SCAI: variants seen among roughly 807,000 people sequenced by gnomAD.
SCAI encodes protein SCAI.
In SCAI, 24 loss-of-function variants were observed where a neutral mutation model predicts 92.2. The observed-to-expected ratio is 0.26, with a 90% CI of 0.19 to 0.37. The LOEUF is 0.37. Ranked by LOEUF, SCAI falls within the 10% of genes least tolerant of loss-of-function variation. The probability of loss-of-function intolerance (pLI) is 1.00; values close to 1 mark genes in which losing one functional copy is unlikely to be tolerated. For missense variants in SCAI, 450 were observed against 736.2 expected, an observed-to-expected ratio of 0.61 and a Z score of 4.50; for synonymous variants, 261 against 258.6, an observed-to-expected ratio of 1.01 and a Z score of -0.09.
At chr9:125,090,549 G>A (rs1834410975) in intron 2 of SCAI, among the ~76,000 whole-genome samples, 1 of 152,066 alleles carries the variant, frequency 6.6e-6, no homozygotes, top group African/African-American at 2.4e-5. Flanking sequence ...CAGCCTAATG[G>A]GCTAGTTCAT....
At chr9:124,967,389 G>A (rs1156404318) in intron 17 of SCAI, among the ~76,000 whole-genome samples, 1 of 152,170 alleles carries the variant, frequency 6.6e-6, no homozygotes, top group Non-Finnish European at 1.5e-5. Flanking sequence ...GGCTCAGGGA[G>A]TTTGGGAAAC....
intron 3 of SCAI, among the ~76,000 whole-genome samples, chr9:125,032,739 A>T (rs1833105257): frequency 6.6e-6 from 1 of 151,048 alleles, no homozygotes; most frequent in East Asian, 2.0e-4. Flanking sequence ...TCAGCCTCCA[A>T]AGTAGCTGGG....
At position 124,943,344 on chromosome 9, in the gene SCAI, ACT is replaced by A. The variant is rs1477792489; in HGVS notation, c.*9461_*9462del. 1.3e-5 allele frequency: 2 copies of A among 152,226 alleles called. No individual in the cohort carries two copies. Among genetic ancestry groups the A allele is most frequent in the Non-Finnish European group, 2.9e-5 (2 of 68,028 alleles). The allele number at this position is 152,226 out of a possible 1,614,324, so 9.4% of individuals were successfully genotyped here. ...TGATGGATTTTTTTCTAAAGTATTA[ACT>A]CACAATATCCAAATATTAATACAAA... On this transcript the variant is annotated 3_prime_UTR_variant, in exon 18 of 18. Transcript: ENST00000336505.
intron 17 of SCAI, 113 bp from the exon 18 acceptor site, chr9:124,953,066 T>C (rs1347859906): frequency 7.2e-6 from 6 of 828,850 alleles, no homozygotes; most frequent in African/African-American, 5.3e-5. Context: ...ACTGGAATGA[T>C]TCTTATTAAT....
chr9:124,959,483 TAC>T (rs57538134), intron 17 of SCAI, among the ~76,000 whole-genome samples: 73,791 of 141,418 alleles, frequency 0.52, 19,264 homozygotes, highest in African/African-American at 0.56. Flanking sequence ...TATATATATA[TAC>T]ACACACACAT....
At chr9:125,126,758 A>G (rs1164884720) in intron 2 of SCAI, among the ~76,000 whole-genome samples, 2 of 152,220 alleles carry the variant, frequency 1.3e-5, no homozygotes, top group African/African-American at 2.4e-5. Flanking sequence ...TAAAGAAGGG[A>G]AAATCAAATC....
intron 6 of SCAI, among the ~76,000 whole-genome samples, chr9:125,020,987 T>G (rs552296250): frequency 6.6e-6 from 1 of 152,186 alleles, no homozygotes; most frequent in African/African-American, 2.4e-5. Flanking sequence ...ATTGAGAACT[T>G]AGATGCATCA....
chr9:125,132,242 T>C (rs1463048216), intron 2 of SCAI, among the ~76,000 whole-genome samples: 1 of 151,796 alleles, frequency 6.6e-6, no homozygotes. Context: ...GCCTCCTGAG[T>C]AGCTGGGATT....
intron 11 of SCAI, among the ~76,000 whole-genome samples, chr9:125,002,388 A>C (rs1832378459): frequency 1.3e-5 from 2 of 151,938 alleles, no homozygotes; most frequent in African/African-American, 4.8e-5. Flanking sequence ...TTTGGGAAGA[A>C]TTCTCCTATT....
chr9:125,090,421 A>T, intron 2 of SCAI, among the ~76,000 whole-genome samples: 1 of 151,848 alleles, frequency 6.6e-6, no homozygotes, highest in East Asian at 1.9e-4. Context: ...AGGAAGGAGG[A>T]GGAAGAAAGA....
chr9:125,028,154 T>A (rs995383384), intron 5 of SCAI, among the ~76,000 whole-genome samples: 2 of 152,206 alleles, frequency 1.3e-5, no homozygotes, highest in Non-Finnish European at 2.9e-5. Context: ...AATTTTTAAG[T>A]TATAAATGAG....
At chr9:125,034,425 A>G (rs977500402) in intron 3 of SCAI, among the ~76,000 whole-genome samples, 4 of 152,134 alleles carry the variant, frequency 2.6e-5, no homozygotes, top group African/African-American at 9.7e-5. Context: ...GAAAGGACTC[A>G]ACCCAGAGAG....
intron 2 of SCAI, among the ~76,000 whole-genome samples, chr9:125,104,957 C>CT: frequency 1.0e-5 from 1 of 95,848 alleles, no homozygotes; most frequent in Admixed American, 1.1e-4. Context: ...GACCCTGTCT[C>CT]AAAAAAAAAA....
intron 9 of SCAI, among the ~76,000 whole-genome samples, chr9:125,016,463 G>A (rs1356370043): frequency 6.6e-6 from 1 of 151,270 alleles, no homozygotes; most frequent in Non-Finnish European, 1.5e-5. Context: ...AAAATAGGAA[G>A]AAGGAAATAA....
At chr9:125,052,001 C>G (rs1343117479) in intron 3 of SCAI, among the ~76,000 whole-genome samples, 4 of 152,118 alleles carry the variant, frequency 2.6e-5, no homozygotes, top group African/African-American at 9.7e-5. Context: ...GAGCCGAGAT[C>G]ATGCCACTGC....
chr9:125,124,866 C>G (rs1408306524), intron 2 of SCAI, among the ~76,000 whole-genome samples: 1 of 152,184 alleles, frequency 6.6e-6, no homozygotes, highest in African/African-American at 2.4e-5. Flanking sequence ...CAGAAGAAAA[C>G]TGACTCTTCA....
intron 2 of SCAI, among the ~76,000 whole-genome samples, chr9:125,123,678 G>C (rs1835205811): frequency 6.6e-6 from 1 of 152,216 alleles, no homozygotes. Flanking sequence ...GGGAGGCTGA[G>C]GCAGGAGAAT....
intron 3 of SCAI, among the ~76,000 whole-genome samples, chr9:125,050,661 C>G (rs571120249): frequency 6.6e-6 from 1 of 152,196 alleles, no homozygotes; most frequent in South Asian, 2.1e-4. Context: ...CAGCTTCAAA[C>G]CCCCGGGTTC....
chr9:125,009,348 C>A (rs1832581852), intron 9 of SCAI, among the ~76,000 whole-genome samples: 1 of 152,192 alleles, frequency 6.6e-6, no homozygotes, highest in African/African-American at 2.4e-5. Context: ...GGGCTCACTG[C>A]AGCCTCCACC....
Sources: gnomAD v4.1 joint callset for allele counts (sites outside exome capture counted in the v4.1 genomes callset) on GRCh38, gnomAD v4.1.1 for gene constraint, MANE v1.5 for transcripts, NCBI Gene and HGNC (gene_info 2026-07-23, HGNC 2026-07-21) for gene names.